PTPN14: variants seen among roughly 807,000 people sequenced by gnomAD.
PTPN14 encodes protein tyrosine phosphatase non-receptor type 14, also known as tyrosine-protein phosphatase non-receptor type 14.
Under a neutral mutation model 126.8 loss-of-function variants are expected in PTPN14, and 53 were observed. That is an observed-to-expected ratio of 0.42 (90% CI 0.34 to 0.53). The LOEUF is 0.53. Among genes scored for constraint, PTPN14 ranks in the 20% least tolerant of loss-of-function variants. PTPN14 has a pLI of 0.08. For missense variants in PTPN14, 1,257 were observed against 1,552.9 expected, an observed-to-expected ratio of 0.81 and a Z score of 3.20; for synonymous variants, 630 against 599.3, an observed-to-expected ratio of 1.05 and a Z score of -0.75.
chr1:214,495,798 G>T (rs139130146), intron 1 of PTPN14, among the ~76,000 whole-genome samples: 1 of 152,064 alleles, frequency 6.6e-6, no homozygotes. Context: ...TGGTTCAAGC[G>T]ATGCTCCTGC....
intron 16 of PTPN14, among the ~76,000 whole-genome samples, chr1:214,370,007 G>A (rs1460128689): frequency 2.0e-5 from 3 of 152,234 alleles, no homozygotes; most frequent in Non-Finnish European, 2.9e-5. Flanking sequence ...TCAGCCGGGC[G>A]TGGCGGCTCA....
chr1:214,376,177 C>G (rs1320881693), intron 15 of PTPN14, 42 bp downstream of exon 15: 1 of 1,569,676 alleles, frequency 6.4e-7, no homozygotes, highest in Non-Finnish European at 8.7e-7. Flanking sequence ...CCCTTTAACC[C>G]AGCCATCTTT....
intron 3 of PTPN14, among the ~76,000 whole-genome samples, chr1:214,428,027 A>C (rs944176330): frequency 6.6e-6 from 1 of 152,214 alleles, no homozygotes; most frequent in Admixed American, 6.5e-5. Flanking sequence ...TGACGACAGT[A>C]AGATGGGAAA....
chr1:214,393,883 T>C, intron 9 of PTPN14, 106 bp from the exon 10 acceptor site: 1 of 900,292 alleles, frequency 1.1e-6, no homozygotes, highest in Non-Finnish European at 1.8e-6. Context: ...AACCTTCATC[T>C]CAAGCACAAA....
intron 3 of PTPN14, among the ~76,000 whole-genome samples, chr1:214,415,240 T>C (rs949469496): frequency 5.9e-5 from 9 of 152,320 alleles, no homozygotes; most frequent in Admixed American, 1.3e-4. Flanking sequence ...CAGAAAAATC[T>C]AATCTGATGC....
intron 3 of PTPN14, among the ~76,000 whole-genome samples, chr1:214,437,813 A>T (rs539254647): frequency 6.6e-6 from 1 of 152,278 alleles, no homozygotes; most frequent in East Asian, 1.9e-4. Flanking sequence ...ATTCTCCAAC[A>T]TCCATCTACT....
intron 1 of PTPN14, among the ~76,000 whole-genome samples, chr1:214,501,700 G>T (rs1003697402): frequency 1.3e-5 from 2 of 152,058 alleles, no homozygotes; most frequent in Non-Finnish European, 2.9e-5. Flanking sequence ...AAATGAATTG[G>T]GATCACCAGG....
At chr1:214,444,943 G>A (rs1660110623) in intron 3 of PTPN14, among the ~76,000 whole-genome samples, 1 of 152,100 alleles carries the variant, frequency 6.6e-6, no homozygotes, top group Admixed American at 6.5e-5. Context: ...CCTCTTTCTG[G>A]TACCTAAACA....
At chr1:214,402,657 G>T (rs1659053216) in intron 6 of PTPN14, among the ~76,000 whole-genome samples, 1 of 119,986 alleles carries the variant, frequency 8.3e-6, no homozygotes, top group Non-Finnish European at 1.8e-5. Flanking sequence ...AAGGAAGGAA[G>T]GAAGGAAGGA....
chr1:214,414,978 A>G, intron 3 of PTPN14, among the ~76,000 whole-genome samples: 1 of 152,228 alleles, frequency 6.6e-6, no homozygotes, highest in East Asian at 1.9e-4. Flanking sequence ...TTTGTAGGCC[A>G]GCGGGATAAA....
chr1:214,468,310 C>T (rs1660685035), intron 1 of PTPN14, among the ~76,000 whole-genome samples: 1 of 152,154 alleles, frequency 6.6e-6, no homozygotes, highest in African/African-American at 2.4e-5. Context: ...AATCCTAGCA[C>T]TTTGGGAGGC....
At chr1:214,467,707 T>C (rs1310741284) in intron 1 of PTPN14, among the ~76,000 whole-genome samples, 1 of 152,210 alleles carries the variant, frequency 6.6e-6, no homozygotes, top group African/African-American at 2.4e-5. Flanking sequence ...TTTTTGTAAA[T>C]AAAGATTATT....
At position 214,386,939 on chromosome 1, in the gene PTPN14, AGAGGAG is replaced by A; in HGVS notation, c.988-23_988-18del. The stretch of plus-strand genomic sequence containing the variant: ...CTGCCTGGGCTGAAACAGAGAACAC[AGAGGAG>A]GTGGGGAGGCCTGGGCAGACACGGC... On this transcript the variant is annotated intron_variant, in intron 11 of 18. Coordinates refer to ENST00000366956, the MANE Select transcript of PTPN14 (RefSeq NM_005401.5). 1 of 1,575,930 alleles carries A rather than the reference AGAGGAG, an allele frequency of 6.3e-7. No individual in the cohort carries two copies. The highest frequency in any genetic ancestry group is 8.7e-7 in the Non-Finnish European group (1 of 1,147,618).
At chr1:214,485,552 A>C (rs1661090949) in intron 1 of PTPN14, among the ~76,000 whole-genome samples, 1 of 152,182 alleles carries the variant, frequency 6.6e-6, no homozygotes, top group African/African-American at 2.4e-5. Context: ...CTGAGCTGGC[A>C]GAAGTGGACC....
chr1:214,396,523 T>C (rs1658883102), intron 8 of PTPN14, among the ~76,000 whole-genome samples: 1 of 152,198 alleles, frequency 6.6e-6, no homozygotes, highest in South Asian at 2.1e-4. Flanking sequence ...TTCCTTCAAA[T>C]CAACTGCTGA....
At chr1:214,481,511 CAAAAAAAA>C (rs371949252) in intron 1 of PTPN14, among the ~76,000 whole-genome samples, 7 of 67,456 alleles carry the variant, frequency 1.0e-4, no homozygotes, top group Admixed American at 2.2e-4. Flanking sequence ...AACTCCCGCT[CAAAAAAAA>C]AAAAAAAAAA....
At chr1:214,468,425 G>A (rs1488492460) in intron 1 of PTPN14, among the ~76,000 whole-genome samples, 1 of 152,098 alleles carries the variant, frequency 6.6e-6, no homozygotes, top group East Asian at 1.9e-4. Context: ...GCATGGTGGT[G>A]TGTGCCTGTA....
chr1:214,454,780 C>T (rs760153144), intron 2 of PTPN14, among the ~76,000 whole-genome samples: 2 of 152,160 alleles, frequency 1.3e-5, no homozygotes, highest in African/African-American at 2.4e-5. Context: ...TTCAGGGTGA[C>T]TCACCAGGTA....
intron 13 of PTPN14, 28 bp from the exon 14 acceptor site, chr1:214,378,130 T>C (rs1200289885): frequency 1.9e-6 from 3 of 1,590,826 alleles, no homozygotes; most frequent in African/African-American, 1.4e-5. Flanking sequence ...CATGTGCTCA[T>C]TGTTTATAAT....
Sources: allele counts gnomAD v4.1 joint callset (sites outside exome capture counted in the v4.1 genomes callset), GRCh38; gene constraint gnomAD v4.1.1; transcripts MANE v1.5; gene names NCBI Gene and HGNC (gene_info 2026-07-23, HGNC 2026-07-21).